The following NAALADL2 variants were observed in gnomAD, a reference collection of about 807,000 sequenced individuals.
The protein encoded by NAALADL2 is inactive N-acetylated-alpha-linked acidic dipeptidase-like protein 2.
In NAALADL2, 76 loss-of-function variants were observed where a neutral mutation model predicts 87.2. The observed-to-expected ratio is 0.87, with a 90% CI of 0.72 to 1.05. The LOEUF (loss-of-function observed/expected upper bound fraction) is 1.05. NAALADL2 is among the 50% of genes least tolerant of loss of function. The probability of loss-of-function intolerance (pLI) is 0.00; values close to 1 mark genes in which losing one functional copy is unlikely to be tolerated. For synonymous variants in NAALADL2, 354 were observed against 331.0 expected, an observed-to-expected ratio of 1.07 and a Z score of -0.75; for missense variants, 1,089 against 945.8, an observed-to-expected ratio of 1.15 and a Z score of -1.99.
intron 13 of NAALADL2, among the ~76,000 whole-genome samples, chr3:175,791,064 C>G (rs1031349745): frequency 6.6e-6 from 1 of 152,146 alleles, no homozygotes; most frequent in Non-Finnish European, 1.5e-5. Context: ...ATCTCTTAAG[C>G]ACCTTTAAAA....
At chr3:175,694,497 C>T (rs1357053604) in intron 11 of NAALADL2, among the ~76,000 whole-genome samples, 1 of 152,106 alleles carries the variant, frequency 6.6e-6, no homozygotes, top group East Asian at 1.9e-4. Flanking sequence ...AATACAGTTA[C>T]AGACTTTGGT....
chr3:175,232,726 G>A (rs1428141127), intron 2 of NAALADL2, among the ~76,000 whole-genome samples: 2 of 152,136 alleles, frequency 1.3e-5, no homozygotes, highest in African/African-American at 4.8e-5. Context: ...ACAGGGTCCT[G>A]GAGGAAGTAA....
chr3:175,667,113 A>AAG (rs201571156), intron 11 of NAALADL2, among the ~76,000 whole-genome samples: 4 of 148,982 alleles, frequency 2.7e-5, no homozygotes, highest in Admixed American at 6.7e-5. Flanking sequence ...GAAGGAAGGA[A>AAG]AGAGAGAGAG....
chr3:175,669,767 T>A (rs927639728), intron 11 of NAALADL2, among the ~76,000 whole-genome samples: 15 of 151,930 alleles, frequency 9.9e-5, no homozygotes, highest in African/African-American at 3.6e-4. Flanking sequence ...TGAAAGACAA[T>A]GAAAGCAGTA....
chr3:174,695,386 T>G (rs1728928875), intron 2 of NAALADL2, among the ~76,000 whole-genome samples: 2 of 152,052 alleles, frequency 1.3e-5, no homozygotes, highest in Admixed American at 1.3e-4. Flanking sequence ...TCTTTCATTC[T>G]CATCTTTCTC....
At chr3:175,552,258 G>C (rs1463331350) in intron 9 of NAALADL2, among the ~76,000 whole-genome samples, 1 of 152,114 alleles carries the variant, frequency 6.6e-6, no homozygotes, top group Non-Finnish European at 1.5e-5. Flanking sequence ...AAATGTTGCT[G>C]TTCCTTTATT....
At chr3:175,792,289 A>T (rs1404998486) in intron 13 of NAALADL2, among the ~76,000 whole-genome samples, 1 of 152,230 alleles carries the variant, frequency 6.6e-6, no homozygotes, top group Non-Finnish European at 1.5e-5. Flanking sequence ...AACTTCTGTA[A>T]CAATTCTTAA....
At position 175,809,913 on chromosome 3, in the gene NAALADL2, C is replaced by T. The variant is rs954534181; in HGVS notation, c.*6710C>T. ...GCAGGAGAAAATTTATAAATTAACC[C>T]AGGGTAAAATTTGGAGGAAAATTTT... On this transcript the variant is annotated 3_prime_UTR_variant, in exon 14 of 14. Transcript: ENST00000454872. The T allele has an allele frequency of 1.3e-5, 2 of 151,772 alleles. No homozygotes were observed. Among genetic ancestry groups the T allele is most frequent in the African/African-American group, 4.8e-5 (2 of 41,350 alleles). The allele number at this position is 151,772 out of a possible 1,614,324, so 9.4% of individuals were successfully genotyped here. A position where few individuals can be genotyped will look rare whatever the true frequency, so the allele number is the denominator to read the frequency against.
chr3:175,520,851 G>GA (rs1732555398), intron 9 of NAALADL2, among the ~76,000 whole-genome samples: 2 of 152,092 alleles, frequency 1.3e-5, no homozygotes, highest in African/African-American at 4.8e-5. Context: ...CAAGAAGAGT[G>GA]AAAAATCCTC....
chr3:175,451,648 A>G (rs1350747320), intron 6 of NAALADL2, among the ~76,000 whole-genome samples: 1 of 152,178 alleles, frequency 6.6e-6, no homozygotes, highest in African/African-American at 2.4e-5. Flanking sequence ...CAAGTTAAAA[A>G]TAAACATTTT....
intron 3 of NAALADL2, among the ~76,000 whole-genome samples, chr3:174,802,946 G>C (rs1428914670): frequency 6.6e-6 from 1 of 152,108 alleles, no homozygotes; most frequent in Non-Finnish European, 1.5e-5. Context: ...AAACATATGT[G>C]TGCATGCGTC....
chr3:175,179,075 T>C (rs1355968117), intron 2 of NAALADL2, among the ~76,000 whole-genome samples: 2 of 152,008 alleles, frequency 1.3e-5, no homozygotes, highest in Non-Finnish European at 2.9e-5. Context: ...CTAGGAATTA[T>C]TTTTAATATT....
chr3:174,878,766 T>C (rs1728826578), intron 1 of NAALADL2, among the ~76,000 whole-genome samples: 1 of 152,044 alleles, frequency 6.6e-6, no homozygotes, highest in African/African-American at 2.4e-5. Context: ...GACATCATAT[T>C]TGACATCTGA....
rs149685599 is a variant in NAALADL2 at position 174,487,926 on chromosome 3, C to T, written c.-184+46894C>T. ...GTTTTGCAGTAGTCACCAGGATTTACGTAGCAAGAGCCAATATATAAAAAG... is the reference window on the plus strand; with the variant it reads ...GTTTTGCAGTAGTCACCAGGATTTATGTAGCAAGAGCCAATATATAAAAAG... On this transcript the variant is annotated intron_variant, in intron 1 of 3. Transcript: ENST00000434257. 4.6e-5 allele frequency among the ~76,000 whole-genome samples: 7 copies of T among 151,838 alleles called. No homozygotes were observed. The South Asian group carries it at 6.2e-4, about 13-fold the overall frequency.
chr3:174,838,704 C>A (rs911233410), intron 3 of NAALADL2, among the ~76,000 whole-genome samples: 12 of 152,036 alleles, frequency 7.9e-5, no homozygotes, highest in Non-Finnish European at 1.5e-4. Context: ...CCAATAGCGA[C>A]CAATTGGAGA....
intron 1 of NAALADL2, among the ~76,000 whole-genome samples, chr3:175,052,898 T>A (rs1755604187): frequency 6.6e-6 from 1 of 152,208 alleles, no homozygotes; most frequent in South Asian, 2.1e-4. Context: ...TTCTACCATC[T>A]GACCATTTTG....
intron 3 of NAALADL2, among the ~76,000 whole-genome samples, chr3:175,247,178 TGAG>T (rs1748145189): frequency 6.6e-6 from 1 of 151,994 alleles, no homozygotes; most frequent in Non-Finnish European, 1.5e-5. Context: ...GATAAATCAG[TGAG>T]GAGAAGAAAG....
chr3:175,245,332 C>A (rs1747769445), intron 3 of NAALADL2, among the ~76,000 whole-genome samples: 1 of 152,044 alleles, frequency 6.6e-6, no homozygotes, highest in African/African-American at 2.4e-5. Flanking sequence ...TTTACTCTAG[C>A]CTGAAATATT....
intron 1 of NAALADL2, among the ~76,000 whole-genome samples, chr3:174,984,826 T>C (rs953967308): frequency 6.6e-6 from 1 of 152,214 alleles, no homozygotes; most frequent in Non-Finnish European, 1.5e-5. Context: ...GCTAGTGTTT[T>C]CAGATTCCAT....
Sources: gnomAD v4.1 joint callset for allele counts (sites outside exome capture counted in the v4.1 genomes callset) on GRCh38, gnomAD v4.1.1 for gene constraint, MANE v1.5 for transcripts, NCBI Gene and HGNC (gene_info 2026-07-23, HGNC 2026-07-21) for gene names.